The following CACNA2D1 variants were observed in gnomAD, a reference collection of about 807,000 sequenced individuals.
The protein encoded by CACNA2D1 is voltage-dependent calcium channel subunit alpha-2/delta-1.
Under a neutral mutation model 171.5 loss-of-function variants are expected in CACNA2D1, and 53 were observed. The observed-to-expected ratio is 0.31, with a 90% CI of 0.25 to 0.39. CACNA2D1 has a LOEUF of 0.39. Among genes scored for constraint, CACNA2D1 ranks in the 10% least tolerant of loss-of-function variants. CACNA2D1 has a pLI of 1.00. For missense variants in CACNA2D1, 903 were observed against 1,299.8 expected (o/e 0.69, Z 4.69); for synonymous variants, 442 against 443.1 (o/e 1.00, Z 0.03).
intron 6 of CACNA2D1, among the ~76,000 whole-genome samples, chr7:82,105,951 C>G (rs1787710200): frequency 6.6e-6 from 1 of 152,096 alleles, no homozygotes; most frequent in Admixed American, 6.6e-5. Flanking sequence ...TTTTATGATA[C>G]TCTATAACTC....
chr7:82,287,654 T>C (rs1166899658), intron 3 of CACNA2D1, among the ~76,000 whole-genome samples: 2 of 152,192 alleles, frequency 1.3e-5, no homozygotes, highest in Non-Finnish European at 2.9e-5. Context: ...TGGGATACCA[T>C]AGTATGATTC....
At chr7:82,002,623 A>G (rs1798724017) in intron 18 of CACNA2D1, among the ~76,000 whole-genome samples, 1 of 152,170 alleles carries the variant, frequency 6.6e-6, no homozygotes, top group African/African-American at 2.4e-5. Context: ...TACAATACAT[A>G]TTTCTTAGAA....
chr7:81,989,567 C>T (rs752532620), intron 21 of CACNA2D1, among the ~76,000 whole-genome samples: 2 of 152,072 alleles, frequency 1.3e-5, no homozygotes, highest in South Asian at 2.1e-4. Context: ...GAGTCATCTA[C>T]GAGAGTCCTA....
chr7:82,212,866 T>C (rs2129228540), intron 3 of CACNA2D1, among the ~76,000 whole-genome samples: 1 of 152,160 alleles, frequency 6.6e-6, no homozygotes, highest in African/African-American at 2.4e-5. Flanking sequence ...TGTGGTGGAT[T>C]TGGGAAGACA....
chr7:82,016,904 C>T lies in CACNA2D1; in HGVS notation c.1144-2425G>A, dbSNP rs185082973. Reference sequence around the variant, plus strand: ...TGTCATCAATGTATAATTTGTACCCCTTTTCTCAATTTTCATTTGCCTTGT... The same window carrying T: ...TGTCATCAATGTATAATTTGTACCCTTTTTCTCAATTTTCATTTGCCTTGT... On this transcript the variant is annotated intron_variant, in intron 12 of 38. Transcript: ENST00000356860. Among the ~76,000 whole-genome samples, 107 of 152,090 alleles carry T rather than the reference C, an allele frequency of 7.0e-4. 3 individuals are homozygous for T. The East Asian group carries it at 0.019, about 27-fold the overall frequency.
intron 38 of CACNA2D1, among the ~76,000 whole-genome samples, chr7:81,955,905 T>TGGGGGG (rs59823054): frequency 3.7e-5 from 2 of 53,946 alleles, no homozygotes; most frequent in African/African-American, 6.7e-5. Context: ...GTTATTTTGG[T>TGGGGGG]GGGGGGGGGG....
At chr7:82,145,497 C>T (rs1195576594) in intron 4 of CACNA2D1, among the ~76,000 whole-genome samples, 3 of 142,464 alleles carry the variant, frequency 2.1e-5, no homozygotes, top group East Asian at 2.0e-4. Flanking sequence ...TGTATAGATA[C>T]AGAATGTGTG....
intron 3 of CACNA2D1, among the ~76,000 whole-genome samples, chr7:82,192,250 G>A (rs17175370): frequency 0.013 from 1,936 of 151,752 alleles, 12 homozygotes; most frequent in Non-Finnish European, 0.019. Flanking sequence ...AGGTGGATAT[G>A]ACATAAAATC....
chr7:82,147,471 G>A (rs879679499), intron 4 of CACNA2D1, among the ~76,000 whole-genome samples: 2 of 152,100 alleles, frequency 1.3e-5, no homozygotes, highest in Admixed American at 1.3e-4. Context: ...TGTGGAACTT[G>A]CTTTAATCTC....
chr7:82,090,234 T>C (rs890029993), intron 6 of CACNA2D1, among the ~76,000 whole-genome samples: 1 of 152,122 alleles, frequency 6.6e-6, no homozygotes, highest in Non-Finnish European at 1.5e-5. Flanking sequence ...ACTCATCTTT[T>C]AAAACTGAAT....
intron 6 of CACNA2D1, among the ~76,000 whole-genome samples, chr7:82,111,444 A>ATATTTTT (rs1207440298): frequency 4.3e-5 from 3 of 69,968 alleles, no homozygotes; most frequent in African/African-American, 2.0e-4. Context: ...ATATATATAT[A>ATATTTTT]TTTTTTTTTT....
chr7:81,995,238 T>C (rs1319590910), intron 19 of CACNA2D1, among the ~76,000 whole-genome samples: 2 of 152,154 alleles, frequency 1.3e-5, no homozygotes, highest in African/African-American at 2.4e-5. Context: ...GCTAGCCACA[T>C]TGGAGTGGAA....
chr7:82,252,020 A>T (rs1805706548), intron 3 of CACNA2D1, among the ~76,000 whole-genome samples: 1 of 152,164 alleles, frequency 6.6e-6, no homozygotes, highest in African/African-American at 2.4e-5. Context: ...AATACAAGAG[A>T]TTTCAATTTT....
intron 3 of CACNA2D1, 134 bp from the exon 4 acceptor site, chr7:82,170,743 T>G (rs532308911): frequency 1.4e-5 from 11 of 797,386 alleles, no homozygotes; most frequent in Admixed American, 9.7e-5. Flanking sequence ...GATTCATAAA[T>G]TCTAAATCAT....
At chr7:82,314,309 C>T (rs567576917) in intron 3 of CACNA2D1, among the ~76,000 whole-genome samples, 11 of 152,254 alleles carry the variant, frequency 7.2e-5, no homozygotes, top group African/African-American at 2.2e-4. Context: ...AGGAACTCAA[C>T]TTGTATTCAC....
intron 9 of CACNA2D1, among the ~76,000 whole-genome samples, chr7:82,063,557 A>AT (rs556864762): frequency 2.2e-3 from 315 of 141,506 alleles, no homozygotes; most frequent in Middle Eastern, 3.6e-3. Context: ...TGAGACAAAG[A>AT]TTTTTTTTTT....
chr7:82,270,119 C>T (rs1808422778), intron 3 of CACNA2D1, among the ~76,000 whole-genome samples: 1 of 152,092 alleles, frequency 6.6e-6, no homozygotes, highest in African/African-American at 2.4e-5. Context: ...GGCTTTCTAT[C>T]TAACTAAATT....
chr7:82,106,524 AT>A (rs79885476), intron 6 of CACNA2D1, among the ~76,000 whole-genome samples: 8 of 150,336 alleles, frequency 5.3e-5, no homozygotes, highest in Admixed American at 6.7e-5. Flanking sequence ...TTTCCTTTTA[AT>A]TTTTTTTTTA....
intron 3 of CACNA2D1, among the ~76,000 whole-genome samples, chr7:82,295,086 G>A (rs892196596): frequency 4.6e-5 from 7 of 152,054 alleles, no homozygotes; most frequent in Admixed American, 1.3e-4. Context: ...TTGAGACATC[G>A]TTTTTGGAGA....
Sources: gnomAD v4.1 joint callset for allele counts (sites outside exome capture counted in the v4.1 genomes callset) on GRCh38, gnomAD v4.1.1 for gene constraint, MANE v1.5 for transcripts, NCBI Gene and HGNC (gene_info 2026-07-23, HGNC 2026-07-21) for gene names.